Variants in APC observed in about 807,000 individuals in gnomAD.
The protein encoded by APC is adenomatous polyposis coli protein.
In APC, 72 loss-of-function variants were observed where a neutral mutation model predicts 247.0. That is an observed-to-expected ratio of 0.29 (90% CI 0.24 to 0.35). The LOEUF (loss-of-function observed/expected upper bound fraction) is 0.35, where lower values mean the gene tolerates loss of function less well. APC is among the 10% of genes least tolerant of loss of function. The pLI is 1.00. For missense variants in APC, 3,400 were observed against 3,360.7 expected, an observed-to-expected ratio of 1.01 and a Z score of -0.29; for synonymous variants, 1,254 against 1,162.5, an observed-to-expected ratio of 1.08 and a Z score of -1.60.
chr5:112,832,392 C>T (rs1580590318), intron 14 of APC, among the ~76,000 whole-genome samples: 1 of 152,212 alleles, frequency 6.6e-6, no homozygotes, highest in Non-Finnish European at 1.5e-5. Context: ...GACAAAGGCA[C>T]TTCTTGCATA....
chr5:112,814,448 C>T (rs1762283846), intron 8 of APC, among the ~76,000 whole-genome samples: 1 of 152,166 alleles, frequency 6.6e-6, no homozygotes, highest in Admixed American at 6.6e-5. Context: ...CCAAGCTTGA[C>T]ACCTCCAAGT....
intron 8 of APC, among the ~76,000 whole-genome samples, chr5:112,813,977 G>C (rs1015216783): frequency 1.3e-5 from 2 of 152,054 alleles, no homozygotes; most frequent in Non-Finnish European, 2.9e-5. Flanking sequence ...ATGATGTCCT[G>C]CATCTTGACA....
intron 8 of APC, among the ~76,000 whole-genome samples, chr5:112,807,375 A>G (rs1201606522): frequency 2.0e-5 from 3 of 152,130 alleles, no homozygotes. Context: ...TTTATACGTT[A>G]CATTGTTACT....
rs1213302882 is a variant in APC, at chr5:112,843,254, C to T, written c.7660C>T (p.His2554Tyr). ...SGTWKREHSKHSSSLPRVSTW... is the reference protein window; with the variant it reads ...SGTWKREHSKYSSSLPRVSTW... ...AACCTGGAAACGTGAGCACAGCAAA[C>T]ATTCATCATCCCTTCCTCGAGTAAG... is the stretch of plus-strand genomic sequence containing the variant. The change falls in exon 16 of 16, where the codon CAT becomes TAT. Residue 2554 changes from histidine to tyrosine, a missense_variant. Physicochemically the swap from His to Tyr is moderately conservative, Grantham distance 83 (BLOSUM62 2). Transcript: ENST00000257430. This position sits in a 1 kb window ranked among gnomAD's most constrained non-coding sequence, Gnocchi z 4.8. 1.2e-6 allele frequency: 2 copies of T among 1,613,750 alleles called. No homozygotes were observed. Among genetic ancestry groups the T allele is most frequent in the African/African-American group, 1.3e-5 (1 of 75,020 alleles).
chr5:112,809,778 G>T (rs1037464129), intron 8 of APC, among the ~76,000 whole-genome samples: 1 of 152,152 alleles, frequency 6.6e-6, no homozygotes, highest in Non-Finnish European at 1.5e-5. Flanking sequence ...GAGATGGGCG[G>T]ATCACGAGGT....
chr5:112,844,854 A>G lies in APC; in HGVS notation c.*728A>G, dbSNP rs956579632. 8.6e-6 allele frequency: 2 copies of G among 232,230 alleles called. No individual in the cohort carries two copies. Among genetic ancestry groups the G allele is most frequent in the Admixed American group, 5.6e-5 (1 of 17,760 alleles). 14.4% of individuals were successfully genotyped at this position (232,230 alleles called of 1,614,324 possible). A position where few individuals can be genotyped will look rare whatever the true frequency, so the allele number is the denominator to read the frequency against. ...TCTGAAAGTAGGTAGAATTTTTGCT[A>G]TGCTGTAATTTGTTGTATATTCTGG... On this transcript the variant is annotated 3_prime_UTR_variant, in exon 16 of 16. Coordinates refer to ENST00000257430, the MANE Select transcript of APC (RefSeq NM_000038.6).
At chr5:112,799,591 T>C (rs1760587593) in intron 7 of APC, among the ~76,000 whole-genome samples, 1 of 152,094 alleles carries the variant, frequency 6.6e-6, no homozygotes, top group African/African-American at 2.4e-5. Flanking sequence ...ACTTAAAAAA[T>C]AAAATTTACT....
At chr5:112,834,857 A>T (rs957614057) in intron 14 of APC, 94 bp from the exon 15 acceptor site, 41 of 1,162,612 alleles carry the variant, frequency 3.5e-5, no homozygotes, top group Non-Finnish European at 4.9e-5. Context: ...AGGATAGATT[A>T]AAAAATAGCT....
chr5:112,838,176 G>A lies in APC; in HGVS notation c.2582G>A (p.Gly861Asp), dbSNP rs2149872953. 6.2e-7 allele frequency: 1 copy of A among 1,614,136 alleles called. No homozygotes were observed. Among genetic ancestry groups the A allele is most frequent in the Non-Finnish European group, 8.5e-7 (1 of 1,180,020 alleles). Reference sequence around the variant, plus strand: ...GAGAGAGAACGCGGAATTGGTCTAGGCAACTACCATCCAGCAACAGAAAAT... The same window carrying A: ...GAGAGAGAACGCGGAATTGGTCTAGACAACTACCATCCAGCAACAGAAAAT... ...SLERERGIGLGNYHPATENPG... is the reference protein window; with the variant it reads ...SLERERGIGLDNYHPATENPG... Residue 861 changes from glycine (G) to aspartate (D), a missense_variant, in exon 16 of 16, where the codon GGC becomes GAC. This residue lies in a region of APC where 715 missense variants were observed against 656.6 expected (regional missense o/e 1.09). Transcript: ENST00000257430.
At chr5:112,781,142 A>G (rs1758299915) in intron 6 of APC, among the ~76,000 whole-genome samples, 1 of 152,186 alleles carries the variant, frequency 6.6e-6, no homozygotes, top group Admixed American at 6.5e-5. Flanking sequence ...ATTATAAGGG[A>G]GAGACAGAGT....
rs1750793443 is a variant in APC, at chr5:112,710,572, A to G, written c.165+2690A>G. Among the ~76,000 whole-genome samples the G allele has an allele frequency of 2.6e-5, 4 of 152,044 alleles. No individual in the cohort carries two copies. The South Asian group carries it at 8.3e-4, about 31-fold the overall frequency. ...CTCTCTAGCCTACATAGATGCTTGT[A>G]TCTTCTGCCATATAAGTGTGTGTGC... On this transcript the variant is annotated intron_variant, in intron 1 of 13. Coordinates refer to the APC transcript ENST00000507379.
intron 7 of APC, among the ~76,000 whole-genome samples, chr5:112,793,763 C>G (rs1482547546): frequency 2.0e-5 from 3 of 152,032 alleles, no homozygotes; most frequent in Non-Finnish European, 2.9e-5. Flanking sequence ...GAAATTTTAA[C>G]AAGGGGCTTA....
chr5:112,792,801 TG>T (rs1432440135), intron 7 of APC, among the ~76,000 whole-genome samples: 2 of 152,196 alleles, frequency 1.3e-5, no homozygotes, highest in Non-Finnish European at 2.9e-5. Flanking sequence ...TAACTTAATT[TG>T]GCTACTATCC....
At chr5:112,765,730 C>T (rs1394428963) in intron 2 of APC, among the ~76,000 whole-genome samples, 2 of 152,080 alleles carry the variant, frequency 1.3e-5, no homozygotes, top group Non-Finnish European at 2.9e-5. Context: ...AAATTTCCAA[C>T]ATTCTTTGAG....
At chr5:112,753,841 T>A (rs1288582931) in intron 1 of APC, among the ~76,000 whole-genome samples, 1 of 152,206 alleles carries the variant, frequency 6.6e-6, no homozygotes, top group African/African-American at 2.4e-5. Flanking sequence ...GTTTAAGTAT[T>A]GCTTAAGTGC....
chr5:112,835,217 A>G (rs2149845177), intron 15 of APC, 52 bp downstream of exon 15: 1 of 1,464,304 alleles, frequency 6.8e-7, no homozygotes, highest in East Asian at 2.4e-5. Context: ...ATACTCTCAA[A>G]AAGACCTAAT....
chr5:112,787,279 A>T (rs1243298216), intron 6 of APC, among the ~76,000 whole-genome samples: 1 of 152,212 alleles, frequency 6.6e-6, no homozygotes, highest in African/African-American at 2.4e-5. Flanking sequence ...ATTTATAAAA[A>T]CAGATGGCTT....
Position 112,767,879 on chromosome 5 carries a change from T to A in APC, c.422+489T>A, listed in dbSNP as rs531562609. On this transcript the variant is annotated intron_variant, in intron 4 of 15. Coordinates refer to ENST00000257430, the MANE Select transcript of APC (RefSeq NM_000038.6). Reference sequence around the variant, plus strand: ...TTAAATACTTTGACTACTCTGTACATTGAGTAATACACATAATTATTATAT... The same window carrying A: ...TTAAATACTTTGACTACTCTGTACAATGAGTAATACACATAATTATTATAT... 2.6e-5 allele frequency among the ~76,000 whole-genome samples: 4 copies of A among 152,066 alleles called. No individual in the cohort carries two copies. The South Asian group carries it at 8.3e-4, about 32-fold the overall frequency.
rs1561465237 is a variant in APC, at chr5:112,767,393, A to G, written c.422+3A>G. 1.2e-6 allele frequency: 2 copies of G among 1,610,274 alleles called. No homozygotes were observed. Among genetic ancestry groups the G allele is most frequent in the Admixed American group, 1.7e-5 (1 of 60,002 alleles). ...TTAGAAGAACTTGAGAAAGAGAGGT[A>G]ACTTTTCTTCATATAGTAAACATTG... On this transcript the variant is annotated splice_donor_region_variant and intron_variant, in intron 4 of 15. Transcript: ENST00000257430.
Sources: allele counts gnomAD v4.1 joint callset (sites outside exome capture counted in the v4.1 genomes callset), GRCh38; gene constraint gnomAD v4.1.1; regional missense constraint gnomAD v4.1.1; non-coding constraint Gnocchi (gnomAD v3.1); transcripts MANE v1.5; gene names NCBI Gene and HGNC (gene_info 2026-07-23, HGNC 2026-07-21).